CRMP1: variants seen among roughly 807,000 people sequenced by gnomAD.
The protein encoded by CRMP1 is dihydropyrimidinase-related protein 1.
In CRMP1, 19 loss-of-function variants were observed where a neutral mutation model predicts 68.3. The observed-to-expected ratio is 0.28, with a 90% CI of 0.19 to 0.41. CRMP1 has a LOEUF of 0.41. Ranked by LOEUF, CRMP1 falls within the 10% of genes least tolerant of loss-of-function variation. The probability of loss-of-function intolerance (pLI) is 1.00; values close to 1 mark genes in which losing one functional copy is unlikely to be tolerated. For synonymous variants in CRMP1, 439 were observed against 399.6 expected (o/e 1.10, Z -1.18); for missense variants, 791 against 967.4 (o/e 0.82, Z 2.42).
Position 5,821,399 on chromosome 4 carries a change from C to G in CRMP1, c.*361G>C. The G allele has an allele frequency of 7.6e-6, 2 of 262,308 alleles. No homozygotes were observed. Among genetic ancestry groups the G allele is most frequent in the Non-Finnish European group, 1.5e-5 (2 of 134,788 alleles). 16.2% of individuals were successfully genotyped at this position (262,308 alleles called of 1,614,324 possible). ...AATTTAGTAACATGCATCAACTATC[C>G]TAGAACATCTACAGGGTGCAAAGGA... On this transcript the variant is annotated 3_prime_UTR_variant, in exon 14 of 14. Coordinates refer to ENST00000324989, the MANE Select transcript of CRMP1 (RefSeq NM_001014809.3). The surrounding 1 kb of genome is among the most constrained non-coding windows in gnomAD (Gnocchi z 4.4).
chr4:5,848,187 C>T (rs1288838913), intron 6 of CRMP1, among the ~76,000 whole-genome samples: 6 of 151,710 alleles, frequency 4.0e-5, no homozygotes, highest in African/African-American at 1.5e-4. Flanking sequence ...CTCTGTTGCC[C>T]AGGCTGGAGT....
Position 5,825,844 on chromosome 4 carries a change from C to T in CRMP1, c.1804-185G>A. Reference sequence around the variant, plus strand: ...ACACATGCAGCCGCACACAGGCATTCATACACACAAGCATGCATACACACA... The same window carrying T: ...ACACATGCAGCCGCACACAGGCATTTATACACACAAGCATGCATACACACA... On this transcript the variant is annotated intron_variant, in intron 12 of 13. Transcript: ENST00000324989. The surrounding 1 kb of genome is among the most constrained non-coding windows in gnomAD (Gnocchi z 4.4). 1 of 603,702 alleles carries T rather than the reference C, an allele frequency of 1.7e-6. No individual in the cohort carries two copies. Among genetic ancestry groups the T allele is most frequent in the South Asian group, 2.1e-5 (1 of 47,880 alleles). The allele number at this position is 603,702 out of a possible 1,614,324, so 37.4% of individuals were successfully genotyped here.
rs749003009 is a variant in CRMP1 at position 5,858,034 on chromosome 4, A to C, written c.656-1727T>G. Among the ~76,000 whole-genome samples, 3 of 152,050 alleles carry C rather than the reference A, an allele frequency of 2.0e-5. No homozygotes were observed. The highest frequency in any genetic ancestry group is 2.9e-5 in the Non-Finnish European group (2 of 68,018). On this transcript the variant is annotated intron_variant, in intron 3 of 13. Coordinates refer to ENST00000324989, the MANE Select transcript of CRMP1 (RefSeq NM_001014809.3). The surrounding 1 kb of genome is among the most constrained non-coding windows in gnomAD (Gnocchi z 5.5). The stretch of plus-strand genomic sequence containing the variant: ...ACTTAAAGCATCAGGCTTTGCTAAT[A>C]TGACCCTCACATCTCTAGGTCTAAT...
In CRMP1 at chr4:5,865,365, TA is replaced by T. The variant is rs1713908979; in HGVS notation, c.470+1302del. ...AGCCAGGCGCGATGGCTCACACCTG[TA>T]ATCCCAGCACTTTGGGAGGCCGAGG... On this transcript the variant is annotated intron_variant, in intron 2 of 13. Coordinates refer to ENST00000324989, the MANE Select transcript of CRMP1 (RefSeq NM_001014809.3). This position sits in a 1 kb window ranked among gnomAD's most constrained non-coding sequence, Gnocchi z 4.1. Among the ~76,000 whole-genome samples the T allele has an allele frequency of 1.3e-5, 2 of 152,088 alleles. No homozygotes were observed. Among genetic ancestry groups the T allele is most frequent in the African/African-American group, 4.8e-5 (2 of 41,416 alleles).
Position 5,825,238 on chromosome 4 carries a change from C to A in CRMP1, c.1969+256G>T, listed in dbSNP as rs191404091. 7.7e-5 allele frequency: 76 copies of A among 985,320 alleles called. No homozygotes were observed. In the Admixed American group the frequency reaches 1.2e-3, roughly 16 times the overall value. 61.0% of individuals were successfully genotyped at this position (985,320 alleles called of 1,614,324 possible). On this transcript the variant is annotated intron_variant, in intron 13 of 13. Coordinates refer to ENST00000324989, the MANE Select transcript of CRMP1 (RefSeq NM_001014809.3). This position sits in a 1 kb window ranked among gnomAD's most constrained non-coding sequence, Gnocchi z 4.4. ...ATGTGTGTAAGGATGAGCACTGGGA[C>A]AATTTTGGTACCTCTCTTTGTAAAC...
rs1714907784 is a variant in CRMP1, at chr4:5,877,285, CA to C, written c.382-10530del. On this transcript the variant is annotated intron_variant, in intron 1 of 13. Coordinates refer to ENST00000324989, the MANE Select transcript of CRMP1 (RefSeq NM_001014809.3). This position sits in a 1 kb window ranked among gnomAD's most constrained non-coding sequence, Gnocchi z 4.3. The stretch of plus-strand genomic sequence containing the variant: ...GAGTCTAGAGGGGGTGTTTGTTAGG[CA>C]GCATCATCGCATCAAAGCAAATTAA... Among the ~76,000 whole-genome samples the C allele has an allele frequency of 6.6e-6, 1 of 152,216 alleles. No individual in the cohort carries two copies. The highest frequency in any genetic ancestry group is 1.5e-5 in the Non-Finnish European group (1 of 68,042).
chr4:5,862,667 C>T (rs1713667076), intron 2 of CRMP1, among the ~76,000 whole-genome samples: 2 of 152,192 alleles, frequency 1.3e-5, no homozygotes, highest in African/African-American at 4.8e-5. Flanking sequence ...GCAGAAGGGC[C>T]GCTGGCTGTA....
At chr4:5,836,171 C>A in intron 10 of CRMP1, 86 bp from the exon 11 acceptor site, 1 of 1,233,868 alleles carries the variant, frequency 8.1e-7, no homozygotes, top group Non-Finnish European at 1.1e-6. Context: ...AGACTGCCAG[C>A]TGAGGCCTTG....
chr4:5,821,816 C>T lies in CRMP1; in HGVS notation c.2005G>A (p.Gly669Ser), dbSNP rs765849718. 19 of 1,610,574 alleles carry T rather than the reference C, an allele frequency of 1.2e-5. No individual in the cohort carries two copies. Among genetic ancestry groups the T allele is most frequent in the East Asian group, 4.5e-5 (2 of 44,834 alleles). Reference sequence around the variant, plus strand: ...CCAGGGGGCGCCACGATGCGGTGGCCGGTGCGCCTGGGATTGTTGTCATCT... The same window carrying T: ...CCAGGGGGCGCCACGATGCGGTGGCTGGTGCGCCTGGGATTGTTGTCATCT... ...QIDDNNPRRTGHRIVAPPGGR... is the reference protein window; with the variant it reads ...QIDDNNPRRTSHRIVAPPGGR... Residue 669 changes from glycine (G) to serine (S), a missense_variant, in exon 14 of 14, where the codon GGC becomes AGC. Around this residue, in one of 3 missense-constraint regions of CRMP1, gnomAD observed 594 missense variants for 763.6 expected, o/e 0.78. Coordinates refer to ENST00000324989, the MANE Select transcript of CRMP1 (RefSeq NM_001014809.3). This position sits in a 1 kb window ranked among gnomAD's most constrained non-coding sequence, Gnocchi z 4.4.
At chr4:5,846,762 T>C (rs1472855152) in intron 6 of CRMP1, among the ~76,000 whole-genome samples, 1 of 34,776 alleles carries the variant, frequency 2.9e-5, no homozygotes, top group Non-Finnish European at 9.6e-5. Flanking sequence ...GGCTAATTTT[T>C]TTTTTTTTTT....
intron 13 of CRMP1, among the ~76,000 whole-genome samples, chr4:5,823,792 A>G (rs984379108): frequency 4.0e-5 from 6 of 150,490 alleles, no homozygotes; most frequent in African/African-American, 1.2e-4. Flanking sequence ...CCGTGAGCCA[A>G]GTAAACCTCT....
At position 5,859,513 on chromosome 4, in the gene CRMP1, T is replaced by C. The variant is rs1473688520; in HGVS notation, c.655+1513A>G. ...CCATGCACTACATGAAGGAATCTCA[T>C]GTACGTCTCCAAACCACCCTAGGCA... On this transcript the variant is annotated intron_variant, in intron 3 of 13. Transcript: ENST00000324989. The surrounding 1 kb of genome is among the most constrained non-coding windows in gnomAD (Gnocchi z 5.2). Among the ~76,000 whole-genome samples the C allele has an allele frequency of 2.6e-5, 4 of 152,210 alleles. No homozygotes were observed. The highest frequency in any genetic ancestry group is 2.9e-5 in the Non-Finnish European group (2 of 68,044).
intron 1 of CRMP1, among the ~76,000 whole-genome samples, chr4:5,869,681 CAAAAAAAAA>C (rs33973891): frequency 1.1e-4 from 10 of 92,932 alleles, no homozygotes; most frequent in Admixed American, 2.5e-4. Context: ...AAGACTCCGT[CAAAAAAAAA>C]AAAAAAAAAA....
At chr4:5,822,254 A>G (rs1398092157) in intron 13 of CRMP1, among the ~76,000 whole-genome samples, 1 of 152,194 alleles carries the variant, frequency 6.6e-6, no homozygotes, top group Admixed American at 6.5e-5. Context: ...CGGGTGAGCA[A>G]TTTGAGGTTC....
intron 1 of CRMP1, among the ~76,000 whole-genome samples, chr4:5,874,425 C>A (rs190762441): frequency 6.6e-6 from 1 of 152,182 alleles, no homozygotes; most frequent in Non-Finnish European, 1.5e-5. Context: ...ATGATCTAAC[C>A]GCCAGTATAA....
intron 13 of CRMP1, chr4:5,824,594 T>C (rs1269597631): frequency 2.1e-6 from 2 of 958,322 alleles, no homozygotes; most frequent in Non-Finnish European, 2.5e-6. Context: ...GCCCACCGCC[T>C]GTTTCTGTAC....
At chr4:5,873,166 GC>G (rs1014347686) in intron 1 of CRMP1, among the ~76,000 whole-genome samples, 64 of 152,202 alleles carry the variant, frequency 4.2e-4, no homozygotes, top group African/African-American at 1.5e-3. Context: ...TAAGTCAACA[GC>G]TGGCCTTTGC....
chr4:5,887,365 C>T (rs1219791366), intron 1 of CRMP1: 10 of 985,558 alleles, frequency 1.0e-5, no homozygotes, highest in African/African-American at 1.7e-5. Context: ...TCCCGCCTCC[C>T]GGCCCCGGGC....
intron 11 of CRMP1, among the ~76,000 whole-genome samples, chr4:5,832,618 G>A (rs574589626): frequency 6.6e-6 from 1 of 152,164 alleles, no homozygotes; most frequent in African/African-American, 2.4e-5. Context: ...GCATTGCTTT[G>A]GACAGAGAAA....
Sources: allele counts gnomAD v4.1 joint callset (sites outside exome capture counted in the v4.1 genomes callset), GRCh38; gene constraint gnomAD v4.1.1; regional missense constraint gnomAD v4.1.1; non-coding constraint Gnocchi (gnomAD v3.1); transcripts MANE v1.5; gene names NCBI Gene and HGNC (gene_info 2026-07-23, HGNC 2026-07-21).